The following NAALADL2 variants were observed in gnomAD, a reference collection of about 807,000 sequenced individuals.
The protein encoded by NAALADL2 is inactive N-acetylated-alpha-linked acidic dipeptidase-like protein 2.
A neutral mutation model predicts 87.2 loss-of-function variants in NAALADL2; 76 were observed. That is an observed-to-expected ratio of 0.87 (90% CI 0.72 to 1.05). The LOEUF is 1.05. Among genes scored for constraint, NAALADL2 ranks in the 50% least tolerant of loss-of-function variants. The probability of loss-of-function intolerance (pLI) is 0.00; values close to 1 mark genes in which losing one functional copy is unlikely to be tolerated. For missense variants in NAALADL2, 1,089 were observed against 945.8 expected (o/e 1.15, Z -1.99); for synonymous variants, 354 against 331.0 (o/e 1.07, Z -0.75).
chr3:175,076,932 A>G (rs984096707), intron 1 of NAALADL2, among the ~76,000 whole-genome samples: 1 of 152,234 alleles, frequency 6.6e-6, no homozygotes, highest in African/African-American at 2.4e-5. Context: ...AAGTCCCATG[A>G]TAATTGGCAT....
chr3:175,603,935 G>A (rs60141981), intron 10 of NAALADL2, among the ~76,000 whole-genome samples: 1 of 151,140 alleles, frequency 6.6e-6, no homozygotes, highest in South Asian at 2.1e-4. Context: ...TTGAGGCTGC[G>A]AGAACTATGA....
intron 13 of NAALADL2, among the ~76,000 whole-genome samples, chr3:175,772,648 G>A (rs901832939): frequency 2.0e-5 from 3 of 152,160 alleles, no homozygotes; most frequent in African/African-American, 4.8e-5. Flanking sequence ...CAGTTACACA[G>A]GGTTCCGTCT....
At chr3:175,320,495 C>T (rs867459987) in intron 4 of NAALADL2, among the ~76,000 whole-genome samples, 1 of 152,100 alleles carries the variant, frequency 6.6e-6, no homozygotes, top group Non-Finnish European at 1.5e-5. Flanking sequence ...CTGGTACCTC[C>T]AGGCAGAGAC....
intron 1 of NAALADL2, among the ~76,000 whole-genome samples, chr3:174,492,628 GTC>G (rs1718274839): frequency 6.6e-6 from 1 of 152,178 alleles, no homozygotes; most frequent in Admixed American, 6.5e-5. Context: ...TTATTTAAGA[GTC>G]TGGAAGGTCT....
intron 11 of NAALADL2, among the ~76,000 whole-genome samples, chr3:175,660,493 T>A (rs573402126): frequency 6.6e-6 from 1 of 152,260 alleles, no homozygotes; most frequent in East Asian, 1.9e-4. Flanking sequence ...CAAATATTTA[T>A]CCTTTCTTTA....
intron 9 of NAALADL2, among the ~76,000 whole-genome samples, chr3:175,532,410 G>T (rs1355348894): frequency 6.6e-6 from 1 of 152,166 alleles, no homozygotes. Context: ...CTTCCTCAAG[G>T]GGACTTGGCT....
chr3:175,229,825 G>A (rs1167703131), intron 2 of NAALADL2, among the ~76,000 whole-genome samples: 1 of 151,862 alleles, frequency 6.6e-6, no homozygotes, highest in Non-Finnish European at 1.5e-5. Context: ...CACAATGTTG[G>A]CATGGAAATT....
rs1294596612 is a variant in NAALADL2 at position 175,805,722 on chromosome 3, A to G, written c.*2519A>G. 1 of 151,878 alleles carries G rather than the reference A, an allele frequency of 6.6e-6. No homozygotes were observed. The highest frequency in any genetic ancestry group is 1.5e-5 in the Non-Finnish European group (1 of 67,890). 9.4% of individuals were successfully genotyped at this position (151,878 alleles called of 1,614,324 possible). On this transcript the variant is annotated 3_prime_UTR_variant, in exon 14 of 14. Coordinates refer to ENST00000454872, the MANE Select transcript of NAALADL2 (RefSeq NM_207015.3). ...TGCCTGGTACTTCTCACAATCTTTC[A>G]TACATAGAATTGTGCCTAGGAAATA...
In NAALADL2 at chr3:174,514,423, A is replaced by G. The variant is rs541780830; in HGVS notation, c.-183-36146A>G. 2.4e-4 allele frequency among the ~76,000 whole-genome samples: 36 copies of G among 152,312 alleles called. No individual in the cohort carries two copies. The South Asian group carries it at 4.6e-3, about 19-fold the overall frequency. On this transcript the variant is annotated intron_variant, in intron 1 of 3. Transcript: ENST00000434257. ...TATCTATAATAGAAAACCAGTTGCT[A>G]TATAAAATTCCCAATTCAAGACATA...
chr3:175,707,261 C>T (rs1464414066), intron 11 of NAALADL2, among the ~76,000 whole-genome samples: 1 of 152,118 alleles, frequency 6.6e-6, no homozygotes, highest in African/African-American at 2.4e-5. Context: ...CAATATGACA[C>T]TGAATAGACA....
intron 1 of NAALADL2, among the ~76,000 whole-genome samples, chr3:174,946,533 A>C (rs183725641): frequency 1.1e-4 from 16 of 152,342 alleles, no homozygotes; most frequent in Admixed American, 9.8e-4. Context: ...TTTTAAAGTC[A>C]CTTAGAACAG....
chr3:175,392,080 G>T (rs1043393894), intron 5 of NAALADL2, among the ~76,000 whole-genome samples: 3 of 152,266 alleles, frequency 2.0e-5, no homozygotes, highest in East Asian at 3.9e-4. Flanking sequence ...CTAAGAAACA[G>T]CGTCCTATAT....
intron 1 of NAALADL2, chr3:174,523,389 A>T (rs890275437): frequency 6.6e-6 from 1 of 152,218 alleles, no homozygotes; most frequent in African/African-American, 2.4e-5. Flanking sequence ...TTTTATATTC[A>T]TAACTCTTTT....
intron 1 of NAALADL2, among the ~76,000 whole-genome samples, chr3:175,033,572 T>G (rs1289652016): frequency 6.6e-6 from 1 of 152,114 alleles, no homozygotes; most frequent in Non-Finnish European, 1.5e-5. Flanking sequence ...ATCCCATAGT[T>G]GTATCTCAGT....
intron 9 of NAALADL2, among the ~76,000 whole-genome samples, chr3:175,549,265 A>G (rs1462236158): frequency 6.6e-6 from 1 of 152,014 alleles, no homozygotes; most frequent in African/African-American, 2.4e-5. Context: ...GCCAAAATGG[A>G]AACCAAAAAA....
intron 12 of NAALADL2, among the ~76,000 whole-genome samples, chr3:175,741,614 A>C (rs1561068614): frequency 6.6e-6 from 1 of 152,152 alleles, no homozygotes; most frequent in Non-Finnish European, 1.5e-5. Flanking sequence ...AAGAAAGTGA[A>C]AAACCATGAA....
intron 13 of NAALADL2, among the ~76,000 whole-genome samples, chr3:175,767,250 T>A (rs952852): frequency 0.28 from 43,226 of 151,960 alleles, 7,318 homozygotes; most frequent in African/African-American, 0.47. Context: ...TCATACTTAG[T>A]TTAGATCAAG....
At chr3:174,717,907 C>T (rs555138584) in intron 2 of NAALADL2, among the ~76,000 whole-genome samples, 4 of 152,212 alleles carry the variant, frequency 2.6e-5, no homozygotes, top group East Asian at 3.9e-4. Context: ...GGGCAGATCA[C>T]CTGAAGTCAG....
chr3:175,314,735 A>T, intron 4 of NAALADL2, among the ~76,000 whole-genome samples: 1 of 122,334 alleles, frequency 8.2e-6, no homozygotes, highest in African/African-American at 3.0e-5. Context: ...TAGATAAGGT[A>T]CCGCAACAAA....
Sources: gnomAD v4.1 joint callset for allele counts (sites outside exome capture counted in the v4.1 genomes callset) on GRCh38, gnomAD v4.1.1 for gene constraint, MANE v1.5 for transcripts, NCBI Gene and HGNC (gene_info 2026-07-23, HGNC 2026-07-21) for gene names.